The following ZNF407 variants were observed in gnomAD, a reference collection of about 807,000 sequenced individuals.
The protein encoded by ZNF407 is zinc finger protein 407.
In ZNF407, 17 loss-of-function variants were observed where a neutral mutation model predicts 131.2. The observed-to-expected ratio is 0.13, with a 90% confidence interval of 0.09 to 0.19. The LOEUF is 0.19. Among genes scored for constraint, ZNF407 ranks in the 10% least tolerant of loss-of-function variants. The probability of loss-of-function intolerance (pLI) is 1.00; values close to 1 mark genes in which losing one functional copy is unlikely to be tolerated. For synonymous variants in ZNF407, 1,156 were observed against 1,062.0 expected, an observed-to-expected ratio of 1.09 and a Z score of -1.72; for missense variants, 2,681 against 2,830.6, an observed-to-expected ratio of 0.95 and a Z score of 1.20.
At position 74,901,463 on chromosome 18, in the gene ZNF407, G is replaced by C. The variant is rs552128960; in HGVS notation, c.5249+11425G>C. ...TAATCACCACAGTGCTCCTAAAGTAGGTTACTTCTAGCATCGGTGACAATG... is the reference window on the plus strand; with the variant it reads ...TAATCACCACAGTGCTCCTAAAGTACGTTACTTCTAGCATCGGTGACAATG... On this transcript the variant is annotated intron_variant, in intron 7 of 8. Coordinates refer to ENST00000299687, the MANE Select transcript of ZNF407 (RefSeq NM_017757.3). Among the ~76,000 whole-genome samples the C allele has an allele frequency of 2.6e-3, 392 of 152,298 alleles. 7 individuals carry two copies. The highest frequency in any genetic ancestry group is 8.7e-3 in the South Asian group (42 of 4,826).
chr18:74,600,617 G>A (rs1982537145), intron 1 of ZNF407, among the ~76,000 whole-genome samples: 4 of 152,166 alleles, frequency 2.6e-5, no homozygotes, highest in African/African-American at 2.4e-5. Flanking sequence ...AACCTGGCAA[G>A]CTTAAAGAGG....
chr18:74,965,449 T>C (rs1972399037), intron 8 of ZNF407, among the ~76,000 whole-genome samples: 1 of 152,190 alleles, frequency 6.6e-6, no homozygotes, highest in South Asian at 2.1e-4. Context: ...CTTAACATAA[T>C]GACCTCCAGT....
intron 3 of ZNF407, among the ~76,000 whole-genome samples, chr18:74,693,619 A>G (rs138819617): frequency 3.5e-4 from 54 of 152,208 alleles, no homozygotes; most frequent in Non-Finnish European, 4.1e-4. Flanking sequence ...GTTCCTCTGT[A>G]TATATCATGT....
intron 8 of ZNF407, among the ~76,000 whole-genome samples, chr18:74,936,005 A>T (rs911513349): frequency 1.3e-5 from 2 of 152,186 alleles, no homozygotes; most frequent in African/African-American, 4.8e-5. Flanking sequence ...CATGATCCAG[A>T]ACTCAATCAA....
At chr18:74,893,518 G>A (rs893690962) in intron 7 of ZNF407, among the ~76,000 whole-genome samples, 1 of 152,036 alleles carries the variant, frequency 6.6e-6, no homozygotes, top group Non-Finnish European at 1.5e-5. Flanking sequence ...GAGAGACTTC[G>A]AATGAAATAT....
At chr18:74,761,057 A>T (rs1969083975) in intron 3 of ZNF407, among the ~76,000 whole-genome samples, 1 of 152,198 alleles carries the variant, frequency 6.6e-6, no homozygotes, top group Non-Finnish European at 1.5e-5. Flanking sequence ...AAAATATCTG[A>T]AAATGCATTA....
chr18:74,895,381 C>T (rs1034608150), intron 7 of ZNF407, among the ~76,000 whole-genome samples: 1 of 152,084 alleles, frequency 6.6e-6, no homozygotes, highest in Non-Finnish European at 1.5e-5. Flanking sequence ...TCAAATTTCT[C>T]AAGTTCTTAC....
intron 8 of ZNF407, among the ~76,000 whole-genome samples, chr18:75,057,976 A>C (rs1240890163): frequency 2.0e-5 from 3 of 152,158 alleles, no homozygotes; most frequent in Non-Finnish European, 4.4e-5. Context: ...ACAAAAGCGT[A>C]AGGTATTTAT....
intron 8 of ZNF407, among the ~76,000 whole-genome samples, chr18:75,006,551 G>C (rs929209227): frequency 3.3e-5 from 5 of 152,032 alleles, no homozygotes; most frequent in African/African-American, 1.2e-4. Flanking sequence ...TCCTGATGTT[G>C]GTGGGTTTTA....
At chr18:74,913,285 A>G (rs139430773) in intron 7 of ZNF407, among the ~76,000 whole-genome samples, 123 of 152,330 alleles carry the variant, frequency 8.1e-4, no homozygotes, top group African/African-American at 2.9e-3. Context: ...TATACTAGCA[A>G]ATGATTGGAA....
chr18:74,609,761 G>A (rs1982974506), intron 1 of ZNF407, among the ~76,000 whole-genome samples: 2 of 152,326 alleles, frequency 1.3e-5, no homozygotes, highest in East Asian at 1.9e-4. Flanking sequence ...TTTCAGCTCC[G>A]TTGTAATGAT....
chr18:75,018,397 T>A (rs981506991), intron 8 of ZNF407, among the ~76,000 whole-genome samples: 12 of 152,054 alleles, frequency 7.9e-5, no homozygotes, highest in African/African-American at 2.9e-4. Flanking sequence ...ATAAAATATG[T>A]CATATTAGAA....
chr18:75,060,537 G>C (rs113873453), intron 8 of ZNF407, among the ~76,000 whole-genome samples: 1 of 122,626 alleles, frequency 8.2e-6, no homozygotes, highest in East Asian at 2.4e-4. Flanking sequence ...ACGGAGTCTC[G>C]CTCTGTCGCC....
chr18:74,899,667 T>C (rs1426492865), intron 7 of ZNF407, among the ~76,000 whole-genome samples: 1 of 152,146 alleles, frequency 6.6e-6, no homozygotes, highest in African/African-American at 2.4e-5. Flanking sequence ...AAATAGCCTG[T>C]ATGGGAGACA....
At chr18:74,657,900 C>CA (rs1985537967) in intron 3 of ZNF407, among the ~76,000 whole-genome samples, 2 of 112,666 alleles carry the variant, frequency 1.8e-5, no homozygotes, top group African/African-American at 8.8e-5. Context: ...TCTCCTTTTC[C>CA]TTTCTTCTTC....
In ZNF407 at chr18:75,063,550, C is replaced by G. The variant is rs1239165733; in HGVS notation, c.5829C>G (p.Val1943=). 1.3e-6 allele frequency: 2 copies of G among 1,567,428 alleles called. No homozygotes were observed. The highest frequency in any genetic ancestry group is 2.4e-5 in the East Asian group (1 of 41,956). Residue 1943 remains valine, a synonymous_variant, in exon 9 of 9, where the codon GTC becomes GTG. Coordinates refer to ENST00000299687, the MANE Select transcript of ZNF407 (RefSeq NM_017757.3). The surrounding 1 kb of genome is among the most constrained non-coding windows in gnomAD (Gnocchi z 6.6). ...CTGATGGAGCCACCCAGGTGGTCGT[C>G]GTGGGGGGCTCCATGGAAGGCCACG... ...QLADGATQVV[V]VGGSMEGHGM... is the part of the protein sequence containing the mutation.
At chr18:75,045,878 T>C (rs1326641879) in intron 8 of ZNF407, among the ~76,000 whole-genome samples, 1 of 152,214 alleles carries the variant, frequency 6.6e-6, no homozygotes. Context: ...AATATGTTGC[T>C]GTGTAAGTCC....
chr18:74,694,921 G>A (rs72969664), intron 3 of ZNF407, among the ~76,000 whole-genome samples: 14,220 of 152,044 alleles, frequency 0.094, 770 homozygotes, highest in Non-Finnish European at 0.13. Flanking sequence ...CTGTATAATG[G>A]TATTTCATAT....
intron 4 of ZNF407, among the ~76,000 whole-genome samples, chr18:74,833,495 C>T (rs542857356): frequency 1.3e-5 from 2 of 152,260 alleles, no homozygotes; most frequent in East Asian, 3.9e-4. Context: ...TGCAAAGGTG[C>T]CAGCACTGCA....
Sources: gnomAD v4.1 joint callset for allele counts (sites outside exome capture counted in the v4.1 genomes callset) on GRCh38, gnomAD v4.1.1 for gene constraint, Gnocchi (gnomAD v3.1) non-coding constraint, MANE v1.5 for transcripts, NCBI Gene and HGNC (gene_info 2026-07-23, HGNC 2026-07-21) for gene names.